Variants in ESCO1 observed in about 807,000 individuals in gnomAD.
ESCO1 encodes the protein establishment of sister chromatid cohesion N-acetyltransferase 1.
A neutral mutation model predicts 83.5 loss-of-function variants in ESCO1; 33 were observed. The ratio of observed to expected loss-of-function variants is 0.40; its 90% CI spans 0.30 to 0.53. The LOEUF (loss-of-function observed/expected upper bound fraction) is 0.53, where lower values mean the gene tolerates loss of function less well. ESCO1 is among the 20% of genes least tolerant of loss of function. The pLI, the probability that ESCO1 is intolerant of heterozygous loss-of-function variation, is 0.63. For synonymous variants in ESCO1, 332 were observed against 324.3 expected, an observed-to-expected ratio of 1.02 and a Z score of -0.25; for missense variants, 855 against 968.0, an observed-to-expected ratio of 0.88 and a Z score of 1.55.
At chr18:21,546,501 A>G (rs1321967520) in intron 8 of ESCO1, among the ~76,000 whole-genome samples, 1 of 152,192 alleles carries the variant, frequency 6.6e-6, no homozygotes, top group African/African-American at 2.4e-5. Flanking sequence ...TCAATAAATA[A>G]CAGTTCCGAT....
chr18:21,568,196 T>C (rs903670364), intron 4 of ESCO1, 102 bp from the exon 5 acceptor site: 17 of 795,852 alleles, frequency 2.1e-5, no homozygotes, highest in Non-Finnish European at 3.3e-5. Flanking sequence ...ATACTTTTTA[T>C]TTGGAGCAAT....
At chr18:21,583,663 A>G (rs2038534859) in intron 2 of ESCO1, among the ~76,000 whole-genome samples, 1 of 151,936 alleles carries the variant, frequency 6.6e-6, no homozygotes, top group Non-Finnish European at 1.5e-5. Flanking sequence ...AAAAGAAAAG[A>G]CATTCTAGAG....
chr18:21,532,733 G>A, intron 10 of ESCO1, 73 bp from the exon 11 acceptor site: 4 of 1,445,684 alleles, frequency 2.8e-6, no homozygotes, highest in Non-Finnish European at 1.9e-6. Context: ...TCTGGTTGAG[G>A]CGGTTATGAC....
intron 7 of ESCO1, among the ~76,000 whole-genome samples, chr18:21,562,789 T>C (rs2038206084): frequency 1.3e-5 from 2 of 152,198 alleles, no homozygotes; most frequent in Non-Finnish European, 2.9e-5. Flanking sequence ...TATCTTCCTG[T>C]AATTTAAAAT....
At chr18:21,548,247 C>T (rs1195479008) in intron 8 of ESCO1, among the ~76,000 whole-genome samples, 5 of 152,218 alleles carry the variant, frequency 3.3e-5, no homozygotes, top group African/African-American at 1.2e-4. Context: ...AATCTCAACA[C>T]TTTGGGAGGC....
intron 6 of ESCO1, among the ~76,000 whole-genome samples, chr18:21,565,191 CACTT>C (rs761089851): frequency 1.3e-5 from 2 of 152,236 alleles, no homozygotes; most frequent in Admixed American, 6.5e-5. Flanking sequence ...AAAAAGGCAA[CACTT>C]ACCACAGTTT....
chr18:21,545,185 T>G (rs1406395030), intron 8 of ESCO1, among the ~76,000 whole-genome samples: 2 of 152,194 alleles, frequency 1.3e-5, no homozygotes, highest in African/African-American at 4.8e-5. Flanking sequence ...TCCTCCCACC[T>G]CAGCCTCCTT....
chr18:21,554,680 G>A (rs368818643), intron 8 of ESCO1, among the ~76,000 whole-genome samples: 2 of 152,136 alleles, frequency 1.3e-5, no homozygotes, highest in East Asian at 3.9e-4. Context: ...GAGACGGAGG[G>A]GGCAGATCAT....
intron 8 of ESCO1, among the ~76,000 whole-genome samples, chr18:21,543,215 C>T (rs1344620634): frequency 2.6e-5 from 4 of 152,072 alleles, no homozygotes; most frequent in African/African-American, 7.2e-5. Context: ...AGTGCAATGG[C>T]GCAATCTCGG....
chr18:21,554,184 T>C (rs1337506217), intron 8 of ESCO1, among the ~76,000 whole-genome samples: 5 of 152,186 alleles, frequency 3.3e-5, no homozygotes, highest in South Asian at 2.1e-4. Context: ...CTGTCATTAA[T>C]TGCAGATAGA....
chr18:21,546,761 G>A (rs776506901), intron 8 of ESCO1, among the ~76,000 whole-genome samples: 1 of 152,110 alleles, frequency 6.6e-6, no homozygotes, highest in African/African-American at 2.4e-5. Flanking sequence ...TCCCCAGGCT[G>A]GTCTCAAACT....
At chr18:21,590,278 G>A (rs914370887) in intron 1 of ESCO1, among the ~76,000 whole-genome samples, 1 of 148,770 alleles carries the variant, frequency 6.7e-6, no homozygotes, top group Non-Finnish European at 1.5e-5. Context: ...CTGGAGTGCA[G>A]TGGCATGATC....
chr18:21,531,337 G>A (rs967535416), intron 11 of ESCO1, among the ~76,000 whole-genome samples: 4 of 152,142 alleles, frequency 2.6e-5, no homozygotes, highest in African/African-American at 9.7e-5. Flanking sequence ...TCAGGAGGCT[G>A]AGGCAGGAGG....
At chr18:21,587,883 C>T (rs1275004715) in intron 1 of ESCO1, among the ~76,000 whole-genome samples, 3 of 151,950 alleles carry the variant, frequency 2.0e-5, no homozygotes, top group African/African-American at 7.2e-5. Context: ...GCCTGGGCAA[C>T]ACAGCAAAAC....
At chr18:21,577,371 A>G (rs1207493641) in intron 2 of ESCO1, among the ~76,000 whole-genome samples, 1 of 148,742 alleles carries the variant, frequency 6.7e-6, no homozygotes, top group Non-Finnish European at 1.5e-5. Flanking sequence ...TAAAAAAAAA[A>G]AAAAAAAAAA....
At chr18:21,594,194 C>G (rs982921018) in intron 1 of ESCO1, among the ~76,000 whole-genome samples, 2 of 152,174 alleles carry the variant, frequency 1.3e-5, no homozygotes, top group Non-Finnish European at 2.9e-5. Context: ...CAGCAAAGAA[C>G]TAAATTAGGA....
Position 21,530,225 on chromosome 18 carries a change from TG to T in ESCO1, c.*117del. 2 of 776,034 alleles carry T rather than the reference TG, an allele frequency of 2.6e-6. No individual in the cohort carries two copies. The highest frequency in any genetic ancestry group is 1.8e-5 in the African/African-American group (1 of 55,832). 48.1% of individuals were successfully genotyped at this position (776,034 alleles called of 1,614,324 possible). A position where few individuals can be genotyped will look rare whatever the true frequency, so the allele number is the denominator to read the frequency against. On this transcript the variant is annotated 3_prime_UTR_variant, in exon 12 of 12. Transcript: ENST00000269214. ...ATTTTATGAAAATGGAACAACCATA[TG>T]GTTGTTGCCAGTCCTGAGTTCATTG...
chr18:21,530,075 A>T lies in ESCO1; in HGVS notation c.*268T>A, dbSNP rs1030181504. Reference sequence around the variant, plus strand: ...AGTTTTCAGTCCACTATGAACAATTATCTGCTGCATGTAAACATGTCTAAA... The same window carrying T: ...AGTTTTCAGTCCACTATGAACAATTTTCTGCTGCATGTAAACATGTCTAAA... On this transcript the variant is annotated 3_prime_UTR_variant, in exon 12 of 12. Coordinates refer to ENST00000269214, the MANE Select transcript of ESCO1 (RefSeq NM_052911.3). The T allele has an allele frequency of 3.6e-6, 1 of 280,516 alleles. No homozygotes were observed. Among genetic ancestry groups the T allele is most frequent in the Non-Finnish European group, 6.6e-6 (1 of 152,522 alleles). 17.4% of individuals were successfully genotyped at this position (280,516 alleles called of 1,614,324 possible). A position where few individuals can be genotyped will look rare whatever the true frequency, so the allele number is the denominator to read the frequency against.
chr18:21,538,129 T>C (rs931869868), intron 9 of ESCO1, among the ~76,000 whole-genome samples: 1 of 151,944 alleles, frequency 6.6e-6, no homozygotes, highest in Non-Finnish European at 1.5e-5. Flanking sequence ...AACAGTAGGC[T>C]ATTAGCAGTT....
Sources: gnomAD v4.1 joint callset for allele counts (sites outside exome capture counted in the v4.1 genomes callset) on GRCh38, gnomAD v4.1.1 for gene constraint, MANE v1.5 for transcripts, NCBI Gene and HGNC (gene_info 2026-07-23, HGNC 2026-07-21) for gene names.